SGIP1: variants seen among roughly 807,000 people sequenced by gnomAD.
SGIP1 encodes SH3-containing GRB2-like protein 3-interacting protein 1.
Under a neutral mutation model 107.5 loss-of-function variants are expected in SGIP1, and 38 were observed. That is an observed-to-expected ratio of 0.35 (90% CI 0.27 to 0.46). SGIP1 has a LOEUF of 0.46. Among genes scored for constraint, SGIP1 ranks in the 20% least tolerant of loss-of-function variants. The probability of loss-of-function intolerance (pLI) is 1.00; values close to 1 mark genes in which losing one functional copy is unlikely to be tolerated. For missense variants in SGIP1, 929 were observed against 1,019.5 expected, an observed-to-expected ratio of 0.91 and a Z score of 1.21; for synonymous variants, 365 against 366.1, an observed-to-expected ratio of 1.00 and a Z score of 0.03.
intron 7 of SGIP1, among the ~76,000 whole-genome samples, chr1:66,653,804 A>C (rs2079185317): frequency 6.6e-6 from 1 of 152,230 alleles, no homozygotes; most frequent in Non-Finnish European, 1.5e-5. Context: ...TATACCTTTA[A>C]GGTCTGCCTT....
chr1:66,556,820 T>C lies in SGIP1; in HGVS notation c.10+22452T>C, dbSNP rs76670126. On this transcript the variant is annotated intron_variant, in intron 1 of 24. Transcript: ENST00000371037. Reference sequence around the variant, plus strand: ...TCAAACTGTCCCCCCATTGGTTAGTTAACCTTAATATTTTTGCTCTACTTG... The same window carrying C: ...TCAAACTGTCCCCCCATTGGTTAGTCAACCTTAATATTTTTGCTCTACTTG... Among the ~76,000 whole-genome samples the C allele has an allele frequency of 1.3e-4, 20 of 152,210 alleles. No homozygotes were observed. The East Asian group carries it at 3.5e-3, about 26-fold the overall frequency.
chr1:66,681,965 T>C lies in SGIP1; in HGVS notation c.911T>C (p.Val304Ala), dbSNP rs1466230396. ...GGGCCAGTATTGTCCCCCAAGTCTG[T>C]TGCTGTTAATGCTGAAGAAAAGTGG... The part of the protein sequence containing the change: ...IFGPVLSPKS[V>A]AVNAEEKWVH... Residue 304 changes from valine to alanine, a missense_variant, in exon 15 of 25, where the codon GTT (valine) becomes GCT (alanine). Val to Ala is a moderately conservative substitution (Grantham distance 64). Around this residue, in one of 2 missense-constraint regions of SGIP1, gnomAD observed 588 missense variants for 588.6 expected, o/e 1.00. Transcript: ENST00000371037. 9.9e-6 allele frequency: 16 copies of C among 1,614,102 alleles called. No individual in the cohort carries two copies. In the Admixed American group the frequency reaches 2.0e-4, roughly 20 times the overall value.
chr1:66,621,867 A>G (rs1007961418), intron 1 of SGIP1, among the ~76,000 whole-genome samples: 1 of 152,204 alleles, frequency 6.6e-6, no homozygotes, highest in African/African-American at 2.4e-5. Flanking sequence ...GAGCCATTTC[A>G]TTGTAAAAGG....
At chr1:66,545,007 G>A (rs2056022592) in intron 1 of SGIP1, among the ~76,000 whole-genome samples, 1 of 152,090 alleles carries the variant, frequency 6.6e-6, no homozygotes. Flanking sequence ...TCCTACATCA[G>A]TAGGTCCTTA....
chr1:66,744,371 A>C lies in SGIP1; in HGVS notation c.*1276A>C, dbSNP rs1191145020. 2 of 152,146 alleles carry C rather than the reference A, an allele frequency of 1.3e-5. No individual in the cohort carries two copies. The highest frequency in any genetic ancestry group is 4.8e-5 in the African/African-American group (2 of 41,472). The allele number at this position is 152,146 out of a possible 1,614,324, so 9.4% of individuals were successfully genotyped here. ...GGTATAATAAAAACTGTAATTATTC[A>C]ATCTGGCCCTGCCATATGAACATTT... On this transcript the variant is annotated 3_prime_UTR_variant, in exon 25 of 25. Transcript: ENST00000371037.
intron 8 of SGIP1, 91 bp downstream of exon 8, chr1:66,660,615 A>G: frequency 8.4e-7 from 1 of 1,193,480 alleles, no homozygotes; most frequent in Middle Eastern, 1.9e-4. Flanking sequence ...ACTGTGTTTA[A>G]CACCTAAACA....
At chr1:66,567,789 C>T (rs1454166446) in intron 1 of SGIP1, among the ~76,000 whole-genome samples, 1 of 151,928 alleles carries the variant, frequency 6.6e-6, no homozygotes, top group Non-Finnish European at 1.5e-5. Context: ...GTTTTTGTCA[C>T]ATTTGTCGAA....
At chr1:66,656,866 T>C (rs1297610183) in intron 7 of SGIP1, among the ~76,000 whole-genome samples, 1 of 152,172 alleles carries the variant, frequency 6.6e-6, no homozygotes, top group African/African-American at 2.4e-5. Flanking sequence ...GAATCCCATT[T>C]ATCAAAATAT....
chr1:66,675,455 T>G (rs766036021), intron 12 of SGIP1, among the ~76,000 whole-genome samples: 2 of 152,080 alleles, frequency 1.3e-5, no homozygotes, highest in African/African-American at 2.4e-5. Context: ...CACACTTCCC[T>G]TTTGTATCTA....
At chr1:66,642,169 C>T (rs146845271) in intron 5 of SGIP1, among the ~76,000 whole-genome samples, 5 of 152,152 alleles carry the variant, frequency 3.3e-5, no homozygotes, top group African/African-American at 7.2e-5. Flanking sequence ...TGTTGGCCTC[C>T]GTAGTCTCAT....
chr1:66,625,278 G>C (rs1445363594), intron 1 of SGIP1, among the ~76,000 whole-genome samples: 1 of 152,186 alleles, frequency 6.6e-6, no homozygotes, highest in Non-Finnish European at 1.5e-5. Context: ...TGTAAGTAAG[G>C]ACCGAACAAG....
At chr1:66,738,134 T>C (rs72922011) in intron 21 of SGIP1, among the ~76,000 whole-genome samples, 3,450 of 152,266 alleles carry the variant, frequency 0.023, 126 homozygotes, top group African/African-American at 0.08. Context: ...ATGCTGCCAA[T>C]AATATTTAAA....
chr1:66,747,173 G>A lies in SGIP1; in HGVS notation c.*4078G>A, dbSNP rs1475619003. 4 of 152,050 alleles carry A rather than the reference G, an allele frequency of 2.6e-5. No individual in the cohort carries two copies. The highest frequency in any genetic ancestry group is 5.9e-5 in the Non-Finnish European group (4 of 67,916). The allele number at this position is 152,050 out of a possible 1,614,324, so 9.4% of individuals were successfully genotyped here. A position where few individuals can be genotyped will look rare whatever the true frequency, so the allele number is the denominator to read the frequency against. On this transcript the variant is annotated 3_prime_UTR_variant, in exon 25 of 25. Transcript: ENST00000371037. Reference sequence around the variant, plus strand: ...ATACACAGTAGGCATCGATAAATTTGTATTGACAGCATAAACTTCTAGGGA... The same window carrying A: ...ATACACAGTAGGCATCGATAAATTTATATTGACAGCATAAACTTCTAGGGA...
chr1:66,563,971 A>C (rs1302185210), intron 1 of SGIP1, among the ~76,000 whole-genome samples: 1 of 152,030 alleles, frequency 6.6e-6, no homozygotes, highest in African/African-American at 2.4e-5. Context: ...GTGTGTCCAG[A>C]GATTGTTAAA....
At chr1:66,610,488 T>C (rs564676876) in intron 1 of SGIP1, among the ~76,000 whole-genome samples, 237 of 152,306 alleles carry the variant, frequency 1.6e-3, no homozygotes, top group Non-Finnish European at 2.8e-3. Context: ...GAACCAGACA[T>C]TGATCTCTTA....
At chr1:66,731,184 C>G (rs2093992827) in intron 20 of SGIP1, among the ~76,000 whole-genome samples, 1 of 152,190 alleles carries the variant, frequency 6.6e-6, no homozygotes. Context: ...CAAGACTGTG[C>G]AAACCGTGAG....
In SGIP1 at chr1:66,729,199, A is replaced by C. The variant is rs934094692; in HGVS notation, c.1743-65A>C. ...TGCCTCATAAATTGTTTTTCACAGC[A>C]GTTTTGATTCAGTGTATTGACATGG... On this transcript the variant is annotated intron_variant, in intron 19 of 24. Coordinates refer to ENST00000371037, the MANE Select transcript of SGIP1 (RefSeq NM_032291.4). The C allele has an allele frequency of 6.4e-6, 10 of 1,570,116 alleles. No homozygotes were observed. The Admixed American group carries it at 1.4e-4, about 22-fold the overall frequency.
At chr1:66,579,502 C>A (rs2061531184) in intron 1 of SGIP1, among the ~76,000 whole-genome samples, 1 of 152,130 alleles carries the variant, frequency 6.6e-6, no homozygotes, top group Admixed American at 6.5e-5. Context: ...GCATCTGGAC[C>A]ATGTTTCTTA....
chr1:66,706,438 A>C (rs928930779), intron 18 of SGIP1, among the ~76,000 whole-genome samples: 1 of 120,966 alleles, frequency 8.3e-6, no homozygotes, highest in Non-Finnish European at 1.8e-5. Flanking sequence ...ATTTATATAG[A>C]GATACACATT....
Sources: gnomAD v4.1 joint callset for allele counts (sites outside exome capture counted in the v4.1 genomes callset) on GRCh38, gnomAD v4.1.1 for gene constraint, gnomAD v4.1.1 regional missense constraint, MANE v1.5 for transcripts, NCBI Gene and HGNC (gene_info 2026-07-23, HGNC 2026-07-21) for gene names.